Variants in TGM7 observed in about 807,000 individuals in gnomAD.
The protein encoded by TGM7 is protein-glutamine gamma-glutamyltransferase Z.
Under a neutral mutation model 79.5 loss-of-function variants are expected in TGM7, and 74 were observed. The observed-to-expected ratio is 0.93, with a 90% CI of 0.77 to 1.13. The LOEUF (loss-of-function observed/expected upper bound fraction) is 1.13. Ranked by LOEUF, TGM7 falls within the 50% of genes most tolerant of loss-of-function variation. TGM7 has a pLI of 0.00. For synonymous variants in TGM7, 354 were observed against 362.5 expected, an observed-to-expected ratio of 0.98 and a Z score of 0.27; for missense variants, 912 against 905.9, an observed-to-expected ratio of 1.01 and a Z score of -0.09.
chr15:43,289,737 CTT>C (rs2042955059), intron 4 of TGM7, among the ~76,000 whole-genome samples: 1 of 152,180 alleles, frequency 6.6e-6, no homozygotes, highest in Non-Finnish European at 1.5e-5. Flanking sequence ...TGTTTCCTGA[CTT>C]TTTAATGATC....
chr15:43,300,735 A>G (rs972160037), intron 1 of TGM7, among the ~76,000 whole-genome samples: 3 of 152,178 alleles, frequency 2.0e-5, no homozygotes, highest in Non-Finnish European at 2.9e-5. Flanking sequence ...CTGGAGGCGG[A>G]GCTTGCAGTG....
At chr15:43,289,567 G>C in intron 4 of TGM7, among the ~76,000 whole-genome samples, 1 of 152,040 alleles carries the variant, frequency 6.6e-6, no homozygotes, top group Non-Finnish European at 1.5e-5. Context: ...ATAATCCTTT[G>C]GGTATTTACC....
intron 4 of TGM7, among the ~76,000 whole-genome samples, chr15:43,290,841 T>C (rs1428317168): frequency 6.6e-6 from 1 of 152,166 alleles, no homozygotes; most frequent in East Asian, 1.9e-4. Flanking sequence ...TGAATGGGAG[T>C]TCACTCATGA....
chr15:43,284,027 C>T (rs1260075566), intron 7 of TGM7, among the ~76,000 whole-genome samples: 3 of 152,130 alleles, frequency 2.0e-5, no homozygotes, highest in African/African-American at 7.2e-5. Flanking sequence ...GGTGAAACCC[C>T]GTCTCTACTA....
At chr15:43,297,636 A>AGAAAGAAAGAAC (rs1555386114) in intron 1 of TGM7, among the ~76,000 whole-genome samples, 23 of 34,074 alleles carry the variant, frequency 6.8e-4, no homozygotes, top group African/African-American at 2.3e-3. Context: ...AAAGAAAGAA[A>AGAAAGAAAGAAC]AAGAAAGAAA....
At chr15:43,298,475 G>A (rs1169961869) in intron 1 of TGM7, among the ~76,000 whole-genome samples, 4 of 152,190 alleles carry the variant, frequency 2.6e-5, no homozygotes, top group East Asian at 1.9e-4. Context: ...AAAAGAAAAC[G>A]GCCAGGCGCG....
chr15:43,276,431 G>C lies in TGM7; in HGVS notation c.*24C>G. ...GGAGCCAGGTGGGGCAGGGGTGCCA[G>C]GGAGGGCAGCTGGAGGGCGGGTCTC... is the stretch of plus-strand genomic sequence containing the variant. On this transcript the variant is annotated 3_prime_UTR_variant, in exon 13 of 13. Transcript: ENST00000452443. 6.2e-7 allele frequency: 1 copy of C among 1,602,446 alleles called. No individual in the cohort carries two copies. Among genetic ancestry groups the C allele is most frequent in the Non-Finnish European group, 8.5e-7 (1 of 1,173,858 alleles).
intron 8 of TGM7, 61 bp from the exon 9 acceptor site, chr15:43,282,147 G>C: frequency 1.3e-6 from 2 of 1,595,118 alleles, no homozygotes; most frequent in Non-Finnish European, 1.7e-6. Flanking sequence ...GCTGTGGGAG[G>C]TGGAGATGGG....
intron 9 of TGM7, among the ~76,000 whole-genome samples, chr15:43,281,459 A>G (rs995073166): frequency 2.0e-5 from 3 of 152,360 alleles, no homozygotes; most frequent in African/African-American, 7.2e-5. Flanking sequence ...GATAAACAAC[A>G]AATTATTTTT....
chr15:43,290,169 G>A (rs1428968298), intron 4 of TGM7, among the ~76,000 whole-genome samples: 5 of 152,122 alleles, frequency 3.3e-5, no homozygotes, highest in African/African-American at 1.2e-4. Flanking sequence ...TATTGCCTAG[G>A]TTTTCTTCTA....
At chr15:43,293,392 C>G in intron 2 of TGM7, 57 bp downstream of exon 2, 1 of 1,528,740 alleles carries the variant, frequency 6.5e-7, no homozygotes, top group Non-Finnish European at 8.8e-7. Flanking sequence ...CAGGCAGACT[C>G]TGTAAATGCC....
chr15:43,288,475 A>T (rs1317426321), intron 4 of TGM7, among the ~76,000 whole-genome samples: 1 of 151,912 alleles, frequency 6.6e-6, no homozygotes, highest in Non-Finnish European at 1.5e-5. Context: ...TGGATATTGG[A>T]TGTTATTAAA....
Position 43,292,967 on chromosome 15 carries a change from G to T in TGM7, c.194-13C>A. The stretch of plus-strand genomic sequence containing the variant: ...GACGGCTTGGGTCCTGTGTAGGAGA[G>T]AATGACCCCACAGTGAGGCTCAAAA... On this transcript the variant is annotated splice_polypyrimidine_tract_variant and intron_variant, in intron 2 of 12. Coordinates refer to ENST00000452443, the MANE Select transcript of TGM7 (RefSeq NM_052955.3). The T allele has an allele frequency of 1.2e-6, 2 of 1,612,068 alleles. No individual in the cohort carries two copies. The highest frequency in any genetic ancestry group is 8.5e-7 in the Non-Finnish European group (1 of 1,179,254).
intron 7 of TGM7, 21 bp downstream of exon 7, chr15:43,284,793 G>T: frequency 6.2e-7 from 1 of 1,614,064 alleles, no homozygotes; most frequent in Non-Finnish European, 8.5e-7. Context: ...GCAGAGATCT[G>T]TTCAAGACAG....
In TGM7 at chr15:43,279,193, G is replaced by C; in HGVS notation, c.1763C>G (p.Ala588Gly). The C allele has an allele frequency of 6.2e-7, 1 of 1,614,074 alleles. No homozygotes were observed. Residue 588 changes from alanine to glycine, a missense_variant, in exon 11 of 13, where the codon GCG becomes GGG. Ala to Gly is a moderately conservative substitution (Grantham distance 60). Transcript: ENST00000452443. The part of the protein sequence containing the change: ...DEKLIRVSGI[A>G]EVEETGRSML... Reference sequence around the variant, plus strand: ...GGACCTCCCTGTCTCTTCAACCTCCGCGATGCCAGACACGCGGATGAGCTT... The same window carrying C: ...GGACCTCCCTGTCTCTTCAACCTCCCCGATGCCAGACACGCGGATGAGCTT...
chr15:43,276,612 A>G lies in TGM7; in HGVS notation c.1976T>C (p.Leu659Pro). ...GGTGTGTCCGGCCACCAGAGTCCCA[A>G]GGCTGAAAGTCAGAAACAGCCTGTG... ...GLINGQIAKDLGTLVAGHTLQ... is the reference protein window; with the variant it reads ...GLINGQIAKDPGTLVAGHTLQ... The change falls in exon 13 of 13, where the codon CTT becomes CCT. Residue 659 changes from leucine (L) to proline (P), a missense_variant and splice_region_variant. Leu to Pro is a moderately conservative substitution (Grantham distance 98, BLOSUM62 -3). Transcript: ENST00000452443. The G allele has an allele frequency of 6.2e-7, 1 of 1,612,754 alleles. No homozygotes were observed. Among genetic ancestry groups the G allele is most frequent in the Non-Finnish European group, 8.5e-7 (1 of 1,179,364 alleles).
chr15:43,291,862 G>A (rs1314355384), intron 4 of TGM7, 117 bp downstream of exon 4: 12 of 683,812 alleles, frequency 1.8e-5, no homozygotes, highest in East Asian at 5.4e-5. Flanking sequence ...TCACACCCTC[G>A]CCTGTATTAG....
At chr15:43,278,732 G>A (rs2042890355) in intron 11 of TGM7, among the ~76,000 whole-genome samples, 1 of 152,242 alleles carries the variant, frequency 6.6e-6, no homozygotes, top group Non-Finnish European at 1.5e-5. Context: ...GGGATTACAG[G>A]CATGAGCCAC....
At chr15:43,282,755 A>C in intron 7 of TGM7, 135 bp from the exon 8 acceptor site, 1 of 751,590 alleles carries the variant, frequency 1.3e-6, no homozygotes, top group Non-Finnish European at 2.2e-6. Context: ...ACTAAAAGTC[A>C]CAAGAATAGT....
Sources: gnomAD v4.1 joint callset for allele counts (sites outside exome capture counted in the v4.1 genomes callset) on GRCh38, gnomAD v4.1.1 for gene constraint, MANE v1.5 for transcripts, NCBI Gene and HGNC (gene_info 2026-07-23, HGNC 2026-07-21) for gene names.